The following SYNE1 variants were observed in gnomAD, a reference collection of about 807,000 sequenced individuals.
The protein encoded by SYNE1 is nesprin-1.
In SYNE1, 616 loss-of-function variants were observed where a neutral mutation model predicts 1,111.0. That is an observed-to-expected ratio of 0.55 (90% CI 0.52 to 0.59). The LOEUF is 0.59. Ranked by LOEUF, SYNE1 falls within the 20% of genes least tolerant of loss-of-function variation. SYNE1 has a pLI of 0.00. For missense variants in SYNE1, 10,006 were observed against 10,417.0 expected, an observed-to-expected ratio of 0.96 and a Z score of 1.72; for synonymous variants, 3,855 against 3,825.8, an observed-to-expected ratio of 1.01 and a Z score of -0.28.
chr6:152,389,325 A>G (rs1034960290), intron 53 of SYNE1, among the ~76,000 whole-genome samples: 6 of 152,120 alleles, frequency 3.9e-5, no homozygotes, highest in Non-Finnish European at 8.8e-5. Context: ...AGCATATGAC[A>G]GTTATTTTTG....
At chr6:152,316,194 G>T (rs1361980849) in intron 87 of SYNE1, 1 of 153,096 alleles carries the variant, frequency 6.5e-6, no homozygotes, top group Non-Finnish European at 1.5e-5. Flanking sequence ...AGCATGTGAT[G>T]TGGACTCATG....
intron 72 of SYNE1, among the ~76,000 whole-genome samples, chr6:152,348,379 C>G (rs1159385651): frequency 1.3e-5 from 2 of 152,102 alleles, no homozygotes; most frequent in African/African-American, 4.8e-5. Context: ...GGAAGAATAA[C>G]TTATTTTTTA....
rs770321987 is a variant in SYNE1 at position 152,122,493 on chromosome 6, G to T, written c.26337C>A (p.Asn8779Lys). 6.2e-7 allele frequency: 1 copy of T among 1,614,234 alleles called. No homozygotes were observed. Among genetic ancestry groups the T allele is most frequent in the Non-Finnish European group, 8.5e-7 (1 of 1,180,028 alleles). The change falls in exon 146 of 146, where the codon AAC (asparagine) becomes AAA (lysine). Residue 8779 changes from asparagine (N) to lysine (K), a missense_variant. Around this residue, in one of 7 missense-constraint regions of SYNE1, gnomAD observed 761 missense variants for 795.5 expected, o/e 0.96. Transcript: ENST00000367255. ...EEDYSCALSN[N>K]FARSFHPMLR... is the part of the protein sequence containing the mutation. ...GCATGGGGTGGAATGACCGGGCAAA[G>T]TTGTTGGAGAGGGCACAGCTGTAGT...
At chr6:152,596,700 C>A (rs796190894) in intron 3 of SYNE1, among the ~76,000 whole-genome samples, 61 of 152,240 alleles carry the variant, frequency 4.0e-4, no homozygotes, top group African/African-American at 1.4e-3. Flanking sequence ...GTATGGGAAG[C>A]ATGATATGTA....
chr6:152,352,423 G>A (rs889164088), intron 69 of SYNE1, 70 bp from the exon 70 acceptor site: 79 of 1,384,406 alleles, frequency 5.7e-5, no homozygotes, highest in Non-Finnish European at 6.7e-5. Context: ...TTTTTTTTGA[G>A]ATGGAGTTTC....
chr6:152,616,435 G>A (rs1200014065), intron 3 of SYNE1, among the ~76,000 whole-genome samples: 2 of 152,122 alleles, frequency 1.3e-5, no homozygotes, highest in Non-Finnish European at 2.9e-5. Flanking sequence ...AATTAGCCAG[G>A]CATGGTGGCA....
chr6:152,485,711 GAT>G (rs1257190376), intron 12 of SYNE1, among the ~76,000 whole-genome samples: 1 of 152,032 alleles, frequency 6.6e-6, no homozygotes. Flanking sequence ...AAAATGAAAA[GAT>G]AATTAAAATG....
chr6:152,249,286 A>C (rs767630865), intron 104 of SYNE1, 24 bp from the exon 105 acceptor site: 45 of 1,317,916 alleles, frequency 3.4e-5, no homozygotes, highest in Non-Finnish European at 4.8e-5. Flanking sequence ...CAACGGGAAA[A>C]CTCAAAATGT....
chr6:152,429,523 T>C (rs992058024), intron 36 of SYNE1, among the ~76,000 whole-genome samples: 1 of 152,218 alleles, frequency 6.6e-6, no homozygotes, highest in Non-Finnish European at 1.5e-5. Context: ...TTTATAAATG[T>C]TCGTGCACAC....
At chr6:152,230,135 CA>C (rs1466719492) in intron 115 of SYNE1, among the ~76,000 whole-genome samples, 1 of 151,924 alleles carries the variant, frequency 6.6e-6, no homozygotes, top group African/African-American at 2.4e-5. Flanking sequence ...TGAATTCAAG[CA>C]ATCCTCCCAC....
At chr6:152,375,923 T>A (rs1487534730) in intron 58 of SYNE1, 2 of 156,790 alleles carry the variant, frequency 1.3e-5, no homozygotes, top group Admixed American at 6.2e-5. Flanking sequence ...AAATTTGAAT[T>A]TCTTACGCAA....
At chr6:152,560,819 T>C (rs1232271748) in intron 3 of SYNE1, among the ~76,000 whole-genome samples, 2 of 152,192 alleles carry the variant, frequency 1.3e-5, no homozygotes, top group Non-Finnish European at 2.9e-5. Context: ...AAAAGTCGTA[T>C]GATCATCTCA....
intron 16 of SYNE1, among the ~76,000 whole-genome samples, chr6:152,469,671 AT>A (rs1027074702): frequency 2.0e-5 from 3 of 152,080 alleles, no homozygotes; most frequent in Non-Finnish European, 4.4e-5. Flanking sequence ...TAAGTTAAAA[AT>A]TTTTTTTACA....
chr6:152,389,854 C>T (rs1376421627), intron 53 of SYNE1, among the ~76,000 whole-genome samples: 1 of 152,136 alleles, frequency 6.6e-6, no homozygotes, highest in Non-Finnish European at 1.5e-5. Flanking sequence ...TCCTATAATG[C>T]AAATGGGCGT....
chr6:152,435,761 A>G (rs571913871), intron 33 of SYNE1, 180 bp downstream of exon 33: 28 of 729,426 alleles, frequency 3.8e-5, no homozygotes, highest in Non-Finnish European at 5.6e-5. Flanking sequence ...GGGCTCTGTT[A>G]TAGATATTGG....
intron 3 of SYNE1, among the ~76,000 whole-genome samples, chr6:152,569,152 C>T (rs879553045): frequency 5.3e-5 from 8 of 152,186 alleles, no homozygotes; most frequent in Non-Finnish European, 7.3e-5. Context: ...ATTCCTGGCT[C>T]CAATCCTGAC....
At chr6:152,258,380 T>C (rs2091334273) in intron 101 of SYNE1, among the ~76,000 whole-genome samples, 1 of 152,200 alleles carries the variant, frequency 6.6e-6, no homozygotes. Context: ...AATTGTTCCT[T>C]TTCATTTTCA....
At position 152,152,337 on chromosome 6, in the gene SYNE1, G is replaced by A. The variant is rs1164128146; in HGVS notation, c.24130-196C>T. 3.3e-5 allele frequency among the ~76,000 whole-genome samples: 5 copies of A among 152,044 alleles called. No individual in the cohort carries two copies. In the East Asian group the frequency reaches 9.6e-4, roughly 29 times the overall value. ...GTCAGCGTAACTTAAAGGAAAGGGA[G>A]AATCTATCAAAAAATATGAAAATGG... On this transcript the variant is annotated intron_variant, in intron 133 of 145. Transcript: ENST00000367255.
intron 128 of SYNE1, 71 bp downstream of exon 128, chr6:152,189,181 C>G (rs906049940): frequency 1.3e-6 from 2 of 1,556,280 alleles, no homozygotes; most frequent in African/African-American, 1.4e-5. Context: ...GTGGGTTAAC[C>G]CATCTGACGT....
Sources: allele counts gnomAD v4.1 joint callset (sites outside exome capture counted in the v4.1 genomes callset), GRCh38; gene constraint gnomAD v4.1.1; regional missense constraint gnomAD v4.1.1; transcripts MANE v1.5; gene names NCBI Gene and HGNC (gene_info 2026-07-23, HGNC 2026-07-21).